The following CDH13 variants were observed in gnomAD, a reference collection of about 807,000 sequenced individuals.
The protein encoded by CDH13 is cadherin-13.
A neutral mutation model predicts 63.8 loss-of-function variants in CDH13; 24 were observed. That is an observed-to-expected ratio of 0.38 (90% CI 0.27 to 0.53). The LOEUF (loss-of-function observed/expected upper bound fraction) is 0.53. Ranked by LOEUF, CDH13 falls within the 20% of genes least tolerant of loss-of-function variation. The probability of loss-of-function intolerance (pLI) is 0.85; values close to 1 mark genes in which losing one functional copy is unlikely to be tolerated. For missense variants in CDH13, 1,049 were observed against 903.1 expected (o/e 1.16, Z -2.07); for synonymous variants, 503 against 355.3 (o/e 1.42, Z -4.67).
At chr16:82,950,395 C>T (rs1889848771) in intron 2 of CDH13, among the ~76,000 whole-genome samples, 1 of 152,048 alleles carries the variant, frequency 6.6e-6, no homozygotes, top group African/African-American at 2.4e-5. Context: ...TGAATTGTAG[C>T]TCCCATAATT....
At chr16:83,288,591 C>G (rs16960125) in intron 5 of CDH13, among the ~76,000 whole-genome samples, 1 of 152,180 alleles carries the variant, frequency 6.6e-6, no homozygotes, top group East Asian at 1.9e-4. Context: ...GGCAGGACCT[C>G]TCTGCGGTGA....
chr16:83,625,052 G>T (rs556750406), intron 8 of CDH13, among the ~76,000 whole-genome samples: 1 of 152,142 alleles, frequency 6.6e-6, no homozygotes, highest in Non-Finnish European at 1.5e-5. Context: ...CACAAAAATG[G>T]ACACAAGCTA....
chr16:83,312,418 G>C (rs993643227), intron 5 of CDH13, among the ~76,000 whole-genome samples: 5 of 152,174 alleles, frequency 3.3e-5, no homozygotes, highest in Admixed American at 2.0e-4. Context: ...GTTCAGTTCT[G>C]GGGATCCCAG....
intron 1 of CDH13, among the ~76,000 whole-genome samples, chr16:82,713,328 C>G (rs1041604309): frequency 1.3e-5 from 2 of 152,116 alleles, no homozygotes; most frequent in African/African-American, 2.4e-5. Context: ...AGAACCACTG[C>G]GCTCAGAACT....
At chr16:83,171,398 G>C (rs2037910413) in intron 4 of CDH13, 1 of 802,770 alleles carries the variant, frequency 1.2e-6, no homozygotes, top group Admixed American at 2.1e-5. Flanking sequence ...CCTCCAACAT[G>C]GGGGATTACA....
intron 5 of CDH13, among the ~76,000 whole-genome samples, chr16:83,230,382 G>A (rs967017927): frequency 1.3e-5 from 2 of 152,174 alleles, no homozygotes; most frequent in African/African-American, 4.8e-5. Flanking sequence ...TCTTGGTGAG[G>A]TAGGCTGCAA....
At chr16:83,230,966 A>G (rs1421360767) in intron 5 of CDH13, among the ~76,000 whole-genome samples, 1 of 152,224 alleles carries the variant, frequency 6.6e-6, no homozygotes, top group Non-Finnish European at 1.5e-5. Flanking sequence ...TCCTCGAAAT[A>G]CCATTTCCAT....
At chr16:82,925,876 C>T (rs1046769997) in intron 2 of CDH13, 3 of 151,818 alleles carry the variant, frequency 2.0e-5, no homozygotes, top group Non-Finnish European at 2.9e-5. Context: ...CCATGGAGTC[C>T]ATCTGTTGGA....
At chr16:82,863,960 G>A (rs185934850) in intron 2 of CDH13, among the ~76,000 whole-genome samples, 118 of 152,230 alleles carry the variant, frequency 7.8e-4, no homozygotes, top group African/African-American at 2.6e-3. Context: ...AAACACTACC[G>A]CCATTTACTT....
intron 5 of CDH13, among the ~76,000 whole-genome samples, chr16:83,274,760 G>T (rs1432399143): frequency 1.3e-5 from 2 of 152,242 alleles, no homozygotes; most frequent in Admixed American, 1.3e-4. Flanking sequence ...ACATTCTTGG[G>T]CCCCACGCCA....
At chr16:82,656,017 G>A (rs1911252712) in intron 1 of CDH13, among the ~76,000 whole-genome samples, 1 of 152,162 alleles carries the variant, frequency 6.6e-6, no homozygotes, top group Non-Finnish European at 1.5e-5. Context: ...AACTTCAGCT[G>A]AGAGTTACCG....
At chr16:83,120,041 G>A (rs1299338030) in intron 3 of CDH13, among the ~76,000 whole-genome samples, 1 of 56,776 alleles carries the variant, frequency 1.8e-5, no homozygotes, top group Non-Finnish European at 4.5e-5. Context: ...CCTGACTTCA[G>A]TCGTTCCTTA....
intron 1 of CDH13, among the ~76,000 whole-genome samples, chr16:82,729,311 G>C (rs1221683093): frequency 6.6e-6 from 1 of 152,136 alleles, no homozygotes; most frequent in Non-Finnish European, 1.5e-5. Context: ...AGCAGCAACA[G>C]CCTTACAAAA....
intron 6 of CDH13, among the ~76,000 whole-genome samples, chr16:83,464,293 A>G (rs1207982256): frequency 6.6e-6 from 1 of 152,086 alleles, no homozygotes; most frequent in East Asian, 2.0e-4. Context: ...TGGGTGGATC[A>G]TGTGAAGTCA....
At chr16:82,689,844 CTGAT>C (rs994735422) in intron 1 of CDH13, among the ~76,000 whole-genome samples, 7 of 151,816 alleles carry the variant, frequency 4.6e-5, no homozygotes, top group African/African-American at 1.7e-4. Context: ...TAAGTTGTGC[CTGAT>C]TAAGATCTTC....
chr16:83,196,197 A>G (rs1046818115), intron 4 of CDH13, among the ~76,000 whole-genome samples: 1 of 152,336 alleles, frequency 6.6e-6, no homozygotes, highest in Admixed American at 6.5e-5. Flanking sequence ...CGGAGGTTGC[A>G]GTGAGCCTAG....
intron 2 of CDH13, among the ~76,000 whole-genome samples, chr16:83,010,157 A>AAAAC (rs1913991905): frequency 6.8e-6 from 1 of 147,828 alleles, no homozygotes; most frequent in African/African-American, 2.5e-5. Flanking sequence ...AAAAAAAAAA[A>AAAAC]AAAAACAAGA....
chr16:82,718,700 A>C (rs918449255), intron 1 of CDH13, among the ~76,000 whole-genome samples: 46 of 152,246 alleles, frequency 3.0e-4, no homozygotes, highest in African/African-American at 9.9e-4. Context: ...AAGAGAAGAG[A>C]ACTCGTGCAG....
At chr16:82,820,512 T>C (rs1489070957) in intron 1 of CDH13, among the ~76,000 whole-genome samples, 1 of 152,216 alleles carries the variant, frequency 6.6e-6, no homozygotes, top group Admixed American at 6.5e-5. Context: ...GAGGCAGGAT[T>C]TGAACACAGG....
Sources: gnomAD v4.1 joint callset for allele counts (sites outside exome capture counted in the v4.1 genomes callset) on GRCh38, gnomAD v4.1.1 for gene constraint, MANE v1.5 for transcripts, NCBI Gene and HGNC (gene_info 2026-07-23, HGNC 2026-07-21) for gene names.